Variants in ACLY observed in about 807,000 individuals in gnomAD.
ACLY encodes ATP citrate lyase, also known as ATP-citrate synthase.
Under a neutral mutation model 133.0 loss-of-function variants are expected in ACLY, and 41 were observed. The ratio of observed to expected loss-of-function variants is 0.31; its 90% confidence interval spans 0.24 to 0.40. The LOEUF is 0.40. Ranked by LOEUF, ACLY falls within the 10% of genes least tolerant of loss-of-function variation. ACLY has a pLI of 1.00. For missense variants in ACLY, 1,046 were observed against 1,453.8 expected (o/e 0.72, Z 4.56); for synonymous variants, 495 against 549.3 (o/e 0.90, Z 1.38).
At position 41,907,525 on chromosome 17, in the gene ACLY, C is replaced by T; in HGVS notation, c.664G>A (p.Asp222Asn). 1.2e-6 allele frequency: 2 copies of T among 1,614,030 alleles called. No individual in the cohort carries two copies. Among genetic ancestry groups the T allele is most frequent in the African/African-American group, 1.3e-5 (1 of 74,988 alleles). ...TTGCAGATGTAGTCGGCAGTGGCGT[C>T]CACCTTGGCCGCCAAGTCAAGGACA... is the stretch of plus-strand genomic sequence containing the variant. ...VYVLDLAAKV[D>N]ATADYICKVK... Residue 222 changes from aspartate (D) to asparagine (N), a missense_variant, in exon 7 of 29, where the codon GAC (aspartate) becomes AAC (asparagine). By Grantham distance (23) the Asp-to-Asn change is conservative (BLOSUM62 1). Around this residue, in one of 4 missense-constraint regions of ACLY, gnomAD observed 575 missense variants for 804.2 expected, o/e 0.71. Coordinates refer to ENST00000352035, the MANE Select transcript of ACLY (RefSeq NM_001096.3).
intron 24 of ACLY, 77 bp from the exon 25 acceptor site, chr17:41,871,909 C>T: frequency 6.9e-6 from 11 of 1,599,340 alleles, no homozygotes; most frequent in Middle Eastern, 1.8e-4. Context: ...CAGTGTGTCC[C>T]GAACGGCCCT....
rs763074358 is a variant in ACLY, at chr17:41,892,313, T to C, written c.1736A>G (p.Tyr579Cys). Reference sequence around the variant, plus strand: ...GTTCATGGTCTCCATGGTGCTGTCATAGGCAGAGCGGAGAGAGGCAAAGTT... The same window carrying C: ...GTTCATGGTCTCCATGGTGCTGTCACAGGCAGAGCGGAGAGAGGCAAAGTT... ...LINFASLRSA[Y>C]DSTMETMNYA... Residue 579 changes from tyrosine to cysteine, a missense_variant, in exon 16 of 29, where the codon TAT becomes TGT. Transcript: ENST00000352035. The C allele has an allele frequency of 1.4e-5, 22 of 1,596,630 alleles. No homozygotes were observed. The highest frequency in any genetic ancestry group is 1.7e-5 in the Non-Finnish European group (20 of 1,170,848).
chr17:41,905,285 G>T (rs1473707747), intron 9 of ACLY, among the ~76,000 whole-genome samples: 1 of 152,206 alleles, frequency 6.6e-6, no homozygotes, highest in East Asian at 1.9e-4. Context: ...CCCTGCACTT[G>T]TTTGAAGGGC....
rs1474062252 is a variant in ACLY at position 41,880,401 on chromosome 17, G to A, written c.2266-1477C>T. Among the ~76,000 whole-genome samples the A allele has an allele frequency of 3.9e-5, 6 of 152,196 alleles. 1 individual carries two copies. In the South Asian group the frequency reaches 6.2e-4, roughly 16 times the overall value. On this transcript the variant is annotated intron_variant, in intron 20 of 28. Coordinates refer to ENST00000352035, the MANE Select transcript of ACLY (RefSeq NM_001096.3). ...CAAAGGTTGAAAGACACCTTAAAGC[G>A]TGAGTTCCCAATGCGTTCTTTGTAG...
At chr17:41,901,548 G>A in intron 11 of ACLY, 148 bp downstream of exon 11, 1 of 677,478 alleles carries the variant, frequency 1.5e-6, no homozygotes, top group Non-Finnish European at 2.6e-6. Flanking sequence ...ACTCTGTGTT[G>A]GGACAGGGAA....
intron 11 of ACLY, among the ~76,000 whole-genome samples, chr17:41,900,377 AG>A (rs2049503317): frequency 3.2e-5 from 1 of 31,376 alleles, no homozygotes; most frequent in African/African-American, 6.6e-5. Flanking sequence ...TAAAAAAAAA[AG>A]AAAAAAAAGA....
intron 25 of ACLY, among the ~76,000 whole-genome samples, chr17:41,870,190 C>T (rs527237534): frequency 1.3e-5 from 2 of 152,238 alleles, no homozygotes; most frequent in Admixed American, 1.3e-4. Flanking sequence ...CTCTAGAAAG[C>T]GGGGAGCTCA....
At chr17:41,916,996 A>G (rs2050068564) in intron 1 of ACLY, among the ~76,000 whole-genome samples, 1 of 151,794 alleles carries the variant, frequency 6.6e-6, no homozygotes, top group African/African-American at 2.4e-5. Context: ...TACAAAAATT[A>G]GCCGGGCGTG....
intron 14 of ACLY, among the ~76,000 whole-genome samples, chr17:41,893,943 G>A (rs1298153400): frequency 1.3e-5 from 2 of 152,204 alleles, no homozygotes; most frequent in African/African-American, 2.4e-5. Flanking sequence ...GTCAGGTGTG[G>A]TGGCTCACGC....
chr17:41,886,658 T>C (rs958590291), intron 17 of ACLY, among the ~76,000 whole-genome samples: 6 of 152,052 alleles, frequency 3.9e-5, no homozygotes, highest in Non-Finnish European at 8.8e-5. Flanking sequence ...AAGCCAGGTG[T>C]GGAGAACACT....
chr17:41,887,017 G>A (rs998718470), intron 17 of ACLY, among the ~76,000 whole-genome samples: 5 of 150,962 alleles, frequency 3.3e-5, no homozygotes, highest in African/African-American at 1.2e-4. Flanking sequence ...CCAGCTCCTC[G>A]GGAGGCTGAG....
At chr17:41,894,052 A>G (rs1377817289) in intron 14 of ACLY, among the ~76,000 whole-genome samples, 1 of 151,926 alleles carries the variant, frequency 6.6e-6, no homozygotes, top group Non-Finnish European at 1.5e-5. Flanking sequence ...TGTCTCTAAT[A>G]AAAATACAAC....
At chr17:41,907,721 T>C (rs985540717) in intron 6 of ACLY, 149 bp from the exon 7 acceptor site, 26 of 873,330 alleles carry the variant, frequency 3.0e-5, no homozygotes, top group Admixed American at 5.8e-5. Flanking sequence ...GAGGCCCTTA[T>C]GGAGACAGAG....
chr17:41,878,139 C>T lies in ACLY; in HGVS notation c.2451G>A (p.Pro817=), dbSNP rs563820923. Residue 817 remains proline, a synonymous_variant, in exon 22 of 29, where the codon CCG becomes CCA. Transcript: ENST00000352035. ...NGVIVPAQEV[P]PPTVPMDYSW... is the part of the protein sequence containing the mutation. ...AGTAGTCCATGGGCACGGTTGGGGG[C>T]GGCACCTCCTGGGCAGGTACAATGA... is the stretch of plus-strand genomic sequence containing the variant. 25 of 1,590,464 alleles carry T rather than the reference C, an allele frequency of 1.6e-5. No individual in the cohort carries two copies. In the African/African-American group the frequency reaches 2.6e-4, roughly 16 times the overall value.
chr17:41,905,625 C>T lies in ACLY; in HGVS notation c.900G>A (p.Glu300=). The change falls in exon 9 of 29, where the codon GAG becomes GAA. Residue 300 remains glutamate (E), a synonymous_variant. Transcript: ENST00000352035. ...DTICDLGGVN[E]LANYGEYSGA... The stretch of plus-strand genomic sequence containing the variant: ...CTGAGTACTCCCCATAGTTTGCCAG[C>T]TCGTTGACACCCCCTAGATCACAGA... 3 of 1,614,218 alleles carry T rather than the reference C, an allele frequency of 1.9e-6. No homozygotes were observed. Among genetic ancestry groups the T allele is most frequent in the Non-Finnish European group, 2.5e-6 (3 of 1,180,040 alleles).
At chr17:41,914,123 A>T (rs2049984255) in intron 1 of ACLY, among the ~76,000 whole-genome samples, 1 of 152,222 alleles carries the variant, frequency 6.6e-6, no homozygotes, top group South Asian at 2.1e-4. Context: ...GTGAGGGAAG[A>T]TAGAGAAAAA....
chr17:41,907,648 A>G, intron 6 of ACLY, 76 bp from the exon 7 acceptor site: 1 of 1,545,236 alleles, frequency 6.5e-7, no homozygotes, highest in South Asian at 1.2e-5. Context: ...CCCCTCCACA[A>G]ACACCGATCC....
intron 8 of ACLY, among the ~76,000 whole-genome samples, chr17:41,906,070 G>A (rs758839761): frequency 3.9e-5 from 6 of 152,210 alleles, no homozygotes; most frequent in Non-Finnish European, 8.8e-5. Context: ...GTGAGCAGGT[G>A]TCTACCATGC....
chr17:41,909,107 G>C (rs879986437), intron 5 of ACLY, 39 bp from the exon 6 acceptor site: 5 of 1,549,820 alleles, frequency 3.2e-6, no homozygotes, highest in Non-Finnish European at 4.4e-6. Flanking sequence ...TCATCCATCA[G>C]GGAGCAGCTC....
Sources: gnomAD v4.1 joint callset for allele counts (sites outside exome capture counted in the v4.1 genomes callset) on GRCh38, gnomAD v4.1.1 for gene constraint, gnomAD v4.1.1 regional missense constraint, MANE v1.5 for transcripts, NCBI Gene and HGNC (gene_info 2026-07-23, HGNC 2026-07-21) for gene names.